CIT: variants seen among roughly 807,000 people sequenced by gnomAD.
CIT encodes the protein citron rho-interacting serine/threonine kinase, also known as citron Rho-interacting kinase.
In CIT, 79 loss-of-function variants were observed where a neutral mutation model predicts 272.7. The ratio of observed to expected loss-of-function variants is 0.29; its 90% CI spans 0.24 to 0.35. The LOEUF is 0.35. CIT is among the 10% of genes least tolerant of loss of function. The pLI is 1.00. For missense variants in CIT, 1,909 were observed against 2,618.3 expected (o/e 0.73, Z 5.91); for synonymous variants, 948 against 995.6 (o/e 0.95, Z 0.90).
At chr12:119,854,561 T>C (rs962670032) in intron 4 of CIT, among the ~76,000 whole-genome samples, 11 of 152,018 alleles carry the variant, frequency 7.2e-5, no homozygotes, top group African/African-American at 2.7e-4. Flanking sequence ...AAGAATCACT[T>C]GAACCCAGGA....
At chr12:119,856,428 T>C (rs540409862) in intron 4 of CIT, among the ~76,000 whole-genome samples, 3 of 152,240 alleles carry the variant, frequency 2.0e-5, no homozygotes, top group South Asian at 4.1e-4. Context: ...CTTTATGTTA[T>C]ATATATTTTA....
chr12:119,706,573 AT>A (rs529723843), intron 40 of CIT, among the ~76,000 whole-genome samples: 50 of 152,320 alleles, frequency 3.3e-4, no homozygotes, highest in African/African-American at 1.2e-3. Flanking sequence ...TTTGCTTAGG[AT>A]AATGGCCTAC....
At chr12:119,795,004 G>A (rs993042506) in intron 10 of CIT, among the ~76,000 whole-genome samples, 5 of 152,176 alleles carry the variant, frequency 3.3e-5, no homozygotes, top group African/African-American at 7.2e-5. Context: ...TTCAGCCCAC[G>A]TCTGTCTGAT....
intron 13 of CIT, chr12:119,782,172 G>A (rs555255839): frequency 2.4e-4 from 40 of 166,310 alleles, no homozygotes; most frequent in South Asian, 4.0e-4. Context: ...GTTTAAAAAC[G>A]TAACCCCATT....
At position 119,718,117 on chromosome 12, in the gene CIT, G is replaced by T. The variant is rs1240116018; in HGVS notation, c.4168+128C>A. The stretch of plus-strand genomic sequence containing the variant: ...GGCCTCCCAAAGTGCTGGGGTTACA[G>T]GTGTGAGCCACCGTGCCTGGCCAAG... On this transcript the variant is annotated intron_variant, in intron 32 of 47. Coordinates refer to ENST00000392521, the MANE Select transcript of CIT (RefSeq NM_001206999.2). The surrounding 1 kb of genome is among the most constrained non-coding windows in gnomAD (Gnocchi z 4.8). 3 of 1,104,632 alleles carry T rather than the reference G, an allele frequency of 2.7e-6. No homozygotes were observed. Among genetic ancestry groups the T allele is most frequent in the Non-Finnish European group, 3.8e-6 (3 of 795,034 alleles). 68.4% of individuals were successfully genotyped at this position (1,104,632 alleles called of 1,614,324 possible).
At chr12:119,743,554 G>C (rs1379996020) in intron 23 of CIT, among the ~76,000 whole-genome samples, 1 of 152,190 alleles carries the variant, frequency 6.6e-6, no homozygotes, top group Admixed American at 6.5e-5. Context: ...GAATAAAAAA[G>C]ATAGAATTGA....
chr12:119,708,779 C>A (rs1174409284), intron 39 of CIT, among the ~76,000 whole-genome samples: 1 of 152,196 alleles, frequency 6.6e-6, no homozygotes, highest in Non-Finnish European at 1.5e-5. Context: ...TGAGCCACCA[C>A]GCCCGGCCCA....
chr12:119,697,674 G>A lies in CIT; in HGVS notation c.5867C>T (p.Pro1956Leu), dbSNP rs1419651630. The A allele has an allele frequency of 1.6e-5, 26 of 1,613,692 alleles. No homozygotes were observed. Among genetic ancestry groups the A allele is most frequent in the South Asian group, 3.3e-5 (3 of 91,054 alleles). ...AGCTGGTTACCTGCGGGAGGTGGAC[G>A]GGCCCCGGTGGTGTTCAGTGCCGGA... ...KESGTEHHRG[P>L]STSRSSPNKR... Residue 1956 changes from proline to leucine, a missense_variant, in exon 46 of 48, where the codon CCG becomes CTG. Around this residue, in one of 8 missense-constraint regions of CIT, gnomAD observed 780 missense variants for 1,067.2 expected, o/e 0.73. Transcript: ENST00000392521. This position sits in a 1 kb window ranked among gnomAD's most constrained non-coding sequence, Gnocchi z 4.9.
At chr12:119,793,072 A>AC (rs921258597) in intron 10 of CIT, among the ~76,000 whole-genome samples, 42 of 151,446 alleles carry the variant, frequency 2.8e-4, no homozygotes, top group Middle Eastern at 3.4e-3. Flanking sequence ...GCTTTGGGGC[A>AC]CCCCCCCTCC....
At chr12:119,758,830 T>C (rs951334845) in intron 20 of CIT, 130 bp from the exon 21 acceptor site, 2 of 678,504 alleles carry the variant, frequency 2.9e-6, no homozygotes, top group Admixed American at 4.3e-5. Context: ...TCAACTAGTC[T>C]GTACTCTGAG....
intron 37 of CIT, chr12:119,711,069 G>C (rs1957136009): frequency 7.3e-7 from 1 of 1,366,996 alleles, no homozygotes; most frequent in Non-Finnish European, 9.8e-7. Context: ...GCAGGCAGAA[G>C]CTCGTAAGAA....
At chr12:119,792,918 C>A (rs528513140) in intron 10 of CIT, among the ~76,000 whole-genome samples, 2 of 151,898 alleles carry the variant, frequency 1.3e-5, no homozygotes, top group African/African-American at 4.8e-5. Flanking sequence ...GCCGAGATAG[C>A]GCCACTGCAC....
intron 10 of CIT, among the ~76,000 whole-genome samples, chr12:119,801,065 A>G (rs1966156496): frequency 6.6e-6 from 1 of 152,204 alleles, no homozygotes; most frequent in African/African-American, 2.4e-5. Context: ...AAGTTCCCCA[A>G]TGATAGGAAT....
At chr12:119,867,095 G>C (rs1007807335) in intron 3 of CIT, among the ~76,000 whole-genome samples, 12 of 152,106 alleles carry the variant, frequency 7.9e-5, no homozygotes, top group South Asian at 2.1e-4. Flanking sequence ...CAGCCCAGGA[G>C]AGCCCCAGGT....
intron 8 of CIT, among the ~76,000 whole-genome samples, chr12:119,824,352 A>C (rs980006343): frequency 6.6e-6 from 1 of 152,032 alleles, no homozygotes; most frequent in African/African-American, 2.4e-5. Context: ...AATAATACTT[A>C]CCTCACAAGG....
chr12:119,796,665 C>T (rs11615808), intron 10 of CIT, among the ~76,000 whole-genome samples: 33,353 of 151,768 alleles, frequency 0.22, 3,959 homozygotes, highest in East Asian at 0.41. Flanking sequence ...TGGGAGGAGG[C>T]CATGGGGAGG....
chr12:119,709,826 GTGTGTGTGTGT>G (rs1487663532), intron 39 of CIT, among the ~76,000 whole-genome samples: 1 of 140,118 alleles, frequency 7.1e-6, no homozygotes, highest in Admixed American at 7.1e-5. Context: ...GTGTGTGTGT[GTGTGTGTGTGT>G]TAAGAAGACA....
At chr12:119,709,357 G>A (rs1957036649) in intron 39 of CIT, among the ~76,000 whole-genome samples, 1 of 151,894 alleles carries the variant, frequency 6.6e-6, no homozygotes, top group Non-Finnish European at 1.5e-5. Flanking sequence ...TATCACTCTG[G>A]TGGGGGATGT....
At chr12:119,749,675 G>A (rs948802711) in intron 23 of CIT, among the ~76,000 whole-genome samples, 1 of 152,096 alleles carries the variant, frequency 6.6e-6, no homozygotes, top group East Asian at 1.9e-4. Context: ...ATCTTCATCT[G>A]CAAAAGCAAC....
Sources: allele counts gnomAD v4.1 joint callset (sites outside exome capture counted in the v4.1 genomes callset), GRCh38; gene constraint gnomAD v4.1.1; regional missense constraint gnomAD v4.1.1; non-coding constraint Gnocchi (gnomAD v3.1); transcripts MANE v1.5; gene names NCBI Gene and HGNC (gene_info 2026-07-23, HGNC 2026-07-21).